Variants in BRD4 observed in about 807,000 individuals in gnomAD.
BRD4 encodes bromodomain-containing protein 4.
In BRD4, 16 loss-of-function variants were observed where a neutral mutation model predicts 142.1. That is an observed-to-expected ratio of 0.11 (90% CI 0.08 to 0.17). The LOEUF is 0.17. BRD4 is among the 10% of genes least tolerant of loss of function. The pLI is 1.00. For synonymous variants in BRD4, 833 were observed against 707.5 expected (o/e 1.18, Z -2.82); for missense variants, 1,424 against 1,810.9 (o/e 0.79, Z 3.88).
intron 4 of BRD4, among the ~76,000 whole-genome samples, chr19:15,266,045 C>T (rs375460788): frequency 2.6e-5 from 4 of 152,318 alleles, no homozygotes; most frequent in African/African-American, 7.2e-5. Flanking sequence ...GGCAGGGAGC[C>T]GGCAGTAGCC....
chr19:15,257,045 G>A lies in BRD4; in HGVS notation c.1470C>T (p.Ser490=), dbSNP rs776736383. The change falls in exon 8 of 20, where the codon AGC becomes AGT. Residue 490 remains serine, a synonymous_variant. Transcript: ENST00000679869. ...AACTGTCACTGTCCGAGGAGCTATC[G>A]CTGCTGCTGTCGCTGGATGAGGGCG... ...VAPPSSSDSS[S]DSSSDSDSST... 37 of 1,600,232 alleles carry A rather than the reference G, an allele frequency of 2.3e-5. 1 individual carries two copies. Among genetic ancestry groups the A allele is most frequent in the South Asian group, 1.5e-4 (13 of 88,302 alleles).
intron 1 of BRD4, among the ~76,000 whole-genome samples, chr19:15,298,836 G>A (rs56825447): frequency 0.55 from 82,920 of 151,680 alleles, 22,723 homozygotes; most frequent in East Asian, 0.64. Flanking sequence ...ATCCGACTCC[G>A]CCTAAGACCC....
chr19:15,306,613 C>A (rs1402655213), intron 1 of BRD4, among the ~76,000 whole-genome samples: 4 of 152,104 alleles, frequency 2.6e-5, no homozygotes, highest in Non-Finnish European at 5.9e-5. Flanking sequence ...CGAGACCCTT[C>A]CTTTCATCTG....
chr19:15,239,601 T>A lies in BRD4; in HGVS notation c.3445+58A>T. On this transcript the variant is annotated intron_variant, in intron 16 of 19. Transcript: ENST00000679869. This position sits in a 1 kb window ranked among gnomAD's most constrained non-coding sequence, Gnocchi z 7.4. Reference sequence around the variant, plus strand: ...GTCCACCAGCCCCACAGCAAGCTTATGTCCAACACGGGCCTCGGGGGGCCT... The same window carrying A: ...GTCCACCAGCCCCACAGCAAGCTTAAGTCCAACACGGGCCTCGGGGGGCCT... 1 of 1,559,834 alleles carries A rather than the reference T, an allele frequency of 6.4e-7. No individual in the cohort carries two copies. The highest frequency in any genetic ancestry group is 1.2e-5 in the South Asian group (1 of 83,648).
chr19:15,286,459 C>T (rs991339612), intron 1 of BRD4, among the ~76,000 whole-genome samples: 2 of 152,230 alleles, frequency 1.3e-5, no homozygotes, highest in African/African-American at 2.4e-5. Flanking sequence ...CATACTTGCA[C>T]ATCTGCGCAT....
chr19:15,245,642 T>C (rs577867704), intron 11 of BRD4, among the ~76,000 whole-genome samples: 1 of 152,324 alleles, frequency 6.6e-6, no homozygotes, highest in Non-Finnish European at 1.5e-5. Flanking sequence ...AAGGGACTTT[T>C]GCCAGTTGGA....
intron 1 of BRD4, among the ~76,000 whole-genome samples, chr19:15,293,066 A>ATTTT: frequency 6.6e-6 from 1 of 152,238 alleles, no homozygotes; most frequent in Non-Finnish European, 1.5e-5. Flanking sequence ...CGATGCTAAA[A>ATTTT]GTTCAAGGAG....
intron 10 of BRD4, 95 bp downstream of exon 10, chr19:15,255,202 G>A (rs1020269647): frequency 1.6e-6 from 2 of 1,262,910 alleles, no homozygotes; most frequent in South Asian, 1.5e-5. Flanking sequence ...AAAAAAAAGG[G>A]GGGGGGCGCA....
At chr19:15,293,181 C>T (rs2047797566) in intron 1 of BRD4, among the ~76,000 whole-genome samples, 1 of 152,074 alleles carries the variant, frequency 6.6e-6, no homozygotes, top group Non-Finnish European at 1.5e-5. Context: ...ACCTCAGGTG[C>T]CAATATAAAA....
rs2047215727 is a variant in BRD4, at chr19:15,238,942, CGCCGGGCCTGCTCCA to C, written c.3806_3820del (p.Leu1269_Arg1273del). 6.3e-7 allele frequency: 1 copy of C among 1,597,420 alleles called. No individual in the cohort carries two copies. Among genetic ancestry groups the C allele is most frequent in the African/African-American group, 1.3e-5 (1 of 74,634 alleles). ...GCGCCGACGTGCCTCCTCATGGGCCCGCCGGGCCTGCTCCAGCGCATCCTCGTCCTCTCGGCTCCT... is the reference window on the plus strand; with the variant it reads ...GCGCCGACGTGCCTCCTCATGGGCCCGCGCATCCTCGTCCTCTCGGCTCCT... On this transcript the variant is annotated inframe_deletion, in exon 19 of 20. Transcript: ENST00000679869. This position sits in a 1 kb window ranked among gnomAD's most constrained non-coding sequence, Gnocchi z 7.2.
chr19:15,256,340 CAAA>C, intron 8 of BRD4, 77 bp from the exon 9 acceptor site: 1 of 1,546,004 alleles, frequency 6.5e-7, no homozygotes, highest in Non-Finnish European at 8.7e-7. Flanking sequence ...GCGTCTGCTC[CAAA>C]AAACATGCGA....
At chr19:15,293,489 G>GA (rs1371718809) in intron 1 of BRD4, among the ~76,000 whole-genome samples, 1 of 152,050 alleles carries the variant, frequency 6.6e-6, no homozygotes, top group Non-Finnish European at 1.5e-5. Flanking sequence ...CTTGCCAAAA[G>GA]AAAAATCAGC....
At chr19:15,247,482 G>C (rs113153332) in intron 11 of BRD4, 11 of 233,186 alleles carry the variant, frequency 4.7e-5, no homozygotes, top group South Asian at 1.8e-4. Flanking sequence ...CGGGCAAGAA[G>C]GACAGGGTCC....
chr19:15,263,321 G>A, intron 7 of BRD4, 99 bp downstream of exon 7: 1 of 1,414,960 alleles, frequency 7.1e-7, no homozygotes, highest in Non-Finnish European at 9.6e-7. Context: ...CCCAAGGAAA[G>A]TGACAGAAAA....
chr19:15,293,638 T>A (rs571964054), intron 1 of BRD4, among the ~76,000 whole-genome samples: 4 of 152,210 alleles, frequency 2.6e-5, no homozygotes, highest in Non-Finnish European at 5.9e-5. Flanking sequence ...ACACCTATAT[T>A]TTAAATGTTT....
At chr19:15,321,199 G>A (rs183911074) in intron 1 of BRD4, among the ~76,000 whole-genome samples, 1 of 151,776 alleles carries the variant, frequency 6.6e-6, no homozygotes, top group African/African-American at 2.4e-5. Flanking sequence ...ACTCCAGCCT[G>A]GGCGAAAGAG....
chr19:15,269,508 T>C (rs1026065656), intron 2 of BRD4, among the ~76,000 whole-genome samples: 5 of 152,154 alleles, frequency 3.3e-5, no homozygotes, highest in African/African-American at 1.2e-4. Context: ...AGTCCACTTG[T>C]AACCCTTGAC....
At chr19:15,286,678 A>T (rs535620052) in intron 1 of BRD4, among the ~76,000 whole-genome samples, 1 of 152,308 alleles carries the variant, frequency 6.6e-6, no homozygotes, top group South Asian at 2.1e-4. Context: ...AAAATATGTG[A>T]TCTGTATTTA....
intron 1 of BRD4, among the ~76,000 whole-genome samples, chr19:15,291,079 C>T (rs772396823): frequency 2.3e-4 from 35 of 152,100 alleles, no homozygotes; most frequent in Non-Finnish European, 2.1e-4. Context: ...CATTGCTTAT[C>T]ACCCACCACC....
Sources: allele counts gnomAD v4.1 joint callset (sites outside exome capture counted in the v4.1 genomes callset), GRCh38; gene constraint gnomAD v4.1.1; non-coding constraint Gnocchi (gnomAD v3.1); transcripts MANE v1.5; gene names NCBI Gene and HGNC (gene_info 2026-07-23, HGNC 2026-07-21).